The following SUSD1 variants were observed in gnomAD, a reference collection of about 807,000 sequenced individuals.
The protein encoded by SUSD1 is sushi domain-containing protein 1.
SUSD1 carries 65 observed loss-of-function variants against 86.9 expected under a neutral mutation model. That is an observed-to-expected ratio of 0.75 (90% confidence interval 0.61 to 0.92). SUSD1 has a LOEUF of 0.92. SUSD1 is among the 40% of genes least tolerant of loss of function. SUSD1 has a pLI of 0.00. For missense variants in SUSD1, 850 were observed against 929.7 expected (o/e 0.91, Z 1.11); for synonymous variants, 346 against 350.0 (o/e 0.99, Z 0.13).
Position 112,041,269 on chromosome 9 carries a change from G to T in SUSD1, c.*223C>A. 1.6e-6 allele frequency: 1 copy of T among 616,930 alleles called. No individual in the cohort carries two copies. Among genetic ancestry groups the T allele is most frequent in the African/African-American group, 1.8e-5 (1 of 54,360 alleles). The allele number at this position is 616,930 out of a possible 1,614,324, so 38.2% of individuals were successfully genotyped here. A position where few individuals can be genotyped will look rare whatever the true frequency, so the allele number is the denominator to read the frequency against. ...TTCATTGCACAGAACTGGTCCTGTAGCAGGGAAGACTCAGAATTCCTGAGT... is the reference window on the plus strand; with the variant it reads ...TTCATTGCACAGAACTGGTCCTGTATCAGGGAAGACTCAGAATTCCTGAGT... On this transcript the variant is annotated 3_prime_UTR_variant, in exon 17 of 17. Coordinates refer to ENST00000374270, the MANE Select transcript of SUSD1 (RefSeq NM_022486.5).
In SUSD1 at chr9:112,124,254, T is replaced by C; in HGVS notation, c.886+3A>G. On this transcript the variant is annotated splice_donor_region_variant and intron_variant, in intron 6 of 16. Coordinates refer to ENST00000374270, the MANE Select transcript of SUSD1 (RefSeq NM_022486.5). The stretch of plus-strand genomic sequence containing the variant: ...TAGCAGGAGCCCAGAACAGAATCTG[T>C]ACCTGTGCATGTTAAAGTACTTTCT... 1.2e-6 allele frequency: 2 copies of C among 1,611,958 alleles called. No homozygotes were observed. The highest frequency in any genetic ancestry group is 2.2e-5 in the South Asian group (2 of 90,724).
intron 1 of SUSD1, among the ~76,000 whole-genome samples, chr9:112,162,631 C>T (rs1833619606): frequency 6.6e-6 from 1 of 152,164 alleles, no homozygotes. Context: ...TTAAGTAATT[C>T]AAACTTAAAG....
chr9:112,107,566 C>T lies in SUSD1; in HGVS notation c.1171+4088G>A, dbSNP rs371738273. ...AATAAAAGTTTTCCAGAAAAGCTCT[C>T]AATACATGCTGTCTCCTAGAGTACA... On this transcript the variant is annotated intron_variant, in intron 8 of 16. Coordinates refer to ENST00000374270, the MANE Select transcript of SUSD1 (RefSeq NM_022486.5). Among the ~76,000 whole-genome samples the T allele has an allele frequency of 1.3e-4, 20 of 152,212 alleles. No homozygotes were observed. The East Asian group carries it at 2.1e-3, about 16-fold the overall frequency.
At chr9:112,072,960 G>A (rs576270471) in intron 12 of SUSD1, among the ~76,000 whole-genome samples, 3 of 152,300 alleles carry the variant, frequency 2.0e-5, no homozygotes, top group African/African-American at 7.2e-5. Flanking sequence ...AGGGGAGATG[G>A]GTTTCTCACT....
intron 14 of SUSD1, among the ~76,000 whole-genome samples, chr9:112,058,131 T>C (rs1286033481): frequency 6.6e-6 from 1 of 152,212 alleles, no homozygotes; most frequent in Non-Finnish European, 1.5e-5. Context: ...TAGATGTTTC[T>C]TTCCAACTTA....
intron 8 of SUSD1, among the ~76,000 whole-genome samples, chr9:112,109,751 T>C (rs1831011656): frequency 6.6e-6 from 1 of 152,208 alleles, no homozygotes; most frequent in Non-Finnish European, 1.5e-5. Context: ...TGATGATCTT[T>C]TAAAGACATT....
At chr9:112,122,538 A>AC (rs56687434) in intron 6 of SUSD1, among the ~76,000 whole-genome samples, 98,916 of 151,818 alleles carry the variant, frequency 0.65, 32,912 homozygotes, top group African/African-American at 0.77. Flanking sequence ...CAAGTGATCC[A>AC]CTGCCTCAGC....
intron 8 of SUSD1, among the ~76,000 whole-genome samples, chr9:112,106,032 C>T (rs1830824822): frequency 6.6e-6 from 1 of 152,160 alleles, no homozygotes; most frequent in East Asian, 1.9e-4. Context: ...CTCTGTTGCG[C>T]AGGCTGGAGT....
At chr9:112,073,648 A>T (rs1369390723) in intron 12 of SUSD1, among the ~76,000 whole-genome samples, 2 of 152,084 alleles carry the variant, frequency 1.3e-5, no homozygotes, top group African/African-American at 4.8e-5. Context: ...GCACTTTGAG[A>T]GGCTAAGGGC....
rs778454659 is a variant in SUSD1 at position 112,042,053 on chromosome 9, C to T, written c.2150-93G>A. ...CCACTGTGCTCAATCCATTTTAACC[C>T]AGAGCTTGGCCCCATTTAACAAAGA... is the stretch of plus-strand genomic sequence containing the variant. On this transcript the variant is annotated intron_variant, in intron 15 of 16. Coordinates refer to ENST00000374270, the MANE Select transcript of SUSD1 (RefSeq NM_022486.5). The T allele has an allele frequency of 1.4e-5, 22 of 1,559,386 alleles. No homozygotes were observed. The African/African-American group carries it at 2.7e-4, about 19-fold the overall frequency.
intron 12 of SUSD1, among the ~76,000 whole-genome samples, chr9:112,072,173 C>T (rs1298880782): frequency 3.0e-4 from 32 of 107,948 alleles, no homozygotes; most frequent in African/African-American, 1.1e-3. Context: ...TTTTTTGAGA[C>T]GGAGTCTCAC....
chr9:112,156,909 T>G (rs1833354010), intron 2 of SUSD1, among the ~76,000 whole-genome samples: 1 of 152,202 alleles, frequency 6.6e-6, no homozygotes, highest in Admixed American at 6.5e-5. Flanking sequence ...TGAATTGAGC[T>G]TGAACCTGGA....
intron 15 of SUSD1, among the ~76,000 whole-genome samples, chr9:112,048,105 A>G (rs1191092512): frequency 6.6e-6 from 1 of 152,144 alleles, no homozygotes; most frequent in Non-Finnish European, 1.5e-5. Flanking sequence ...CCCTATGTCA[A>G]ATCCATCTCA....
chr9:112,114,799 G>A (rs1238917554), intron 6 of SUSD1, among the ~76,000 whole-genome samples: 4 of 152,158 alleles, frequency 2.6e-5, no homozygotes, highest in East Asian at 1.9e-4. Flanking sequence ...GTGGGGACAG[G>A]AGCTGGTAGA....
At chr9:112,158,770 G>C (rs1019099829) in intron 1 of SUSD1, among the ~76,000 whole-genome samples, 3 of 152,070 alleles carry the variant, frequency 2.0e-5, no homozygotes, top group African/African-American at 7.2e-5. Flanking sequence ...TATCAATCAT[G>C]TTAATGTGTC....
intron 1 of SUSD1, among the ~76,000 whole-genome samples, chr9:112,160,281 C>G (rs557791472): frequency 6.6e-6 from 1 of 152,146 alleles, no homozygotes; most frequent in African/African-American, 2.4e-5. Context: ...GAGTGGCTCA[C>G]GCCTGTAATC....
chr9:112,069,407 A>G (rs1342213352), intron 12 of SUSD1, among the ~76,000 whole-genome samples: 1 of 123,410 alleles, frequency 8.1e-6, no homozygotes, highest in East Asian at 1.9e-4. Context: ...AGCAGTCCAG[A>G]GAGAGATTCT....
rs76446441 is a variant in SUSD1, at chr9:112,159,494, T to C, written c.104-1881A>G. Among the ~76,000 whole-genome samples the C allele has an allele frequency of 3.9e-3, 592 of 152,326 alleles. 4 individuals carry two copies. Among genetic ancestry groups the C allele is most frequent in the African/African-American group, 0.014 (566 of 41,576 alleles). On this transcript the variant is annotated intron_variant, in intron 1 of 16. Transcript: ENST00000374270. Reference sequence around the variant, plus strand: ...AACCATGGAATATTTCCAAAACTTATTGTATCTCAGACCGTAAAGACAAAT... The same window carrying C: ...AACCATGGAATATTTCCAAAACTTACTGTATCTCAGACCGTAAAGACAAAT...
intron 1 of SUSD1, among the ~76,000 whole-genome samples, chr9:112,161,958 C>A (rs1001957538): frequency 2.6e-5 from 4 of 152,064 alleles, no homozygotes; most frequent in African/African-American, 9.7e-5. Context: ...CTCTCAATTG[C>A]ACACTTCAAA....
Sources: allele counts gnomAD v4.1 joint callset (sites outside exome capture counted in the v4.1 genomes callset), GRCh38; gene constraint gnomAD v4.1.1; transcripts MANE v1.5; gene names NCBI Gene and HGNC (gene_info 2026-07-23, HGNC 2026-07-21).